GNAQ: variants seen among roughly 807,000 people sequenced by gnomAD.
The protein encoded by GNAQ is guanine nucleotide-binding protein G(q) subunit alpha.
GNAQ carries 8 observed loss-of-function variants against 43.9 expected under a neutral mutation model. That is an observed-to-expected ratio of 0.18 (90% CI 0.11 to 0.33). The LOEUF is 0.33. Among genes scored for constraint, GNAQ ranks in the 10% least tolerant of loss-of-function variants. GNAQ has a pLI of 1.00. For missense variants in GNAQ, 158 were observed against 450.8 expected, an observed-to-expected ratio of 0.35 and a Z score of 5.88; for synonymous variants, 155 against 170.7, an observed-to-expected ratio of 0.91 and a Z score of 0.71.
intron 2 of GNAQ, among the ~76,000 whole-genome samples, chr9:77,875,518 C>A (rs573539235): frequency 1.3e-5 from 2 of 152,126 alleles, no homozygotes; most frequent in Admixed American, 6.6e-5. Flanking sequence ...ATTTGCTTCA[C>A]GCAAATAAGA....
At chr9:77,987,990 A>C (rs1564171604) in intron 1 of GNAQ, among the ~76,000 whole-genome samples, 2 of 152,238 alleles carry the variant, frequency 1.3e-5, no homozygotes, top group Non-Finnish European at 2.9e-5. Flanking sequence ...GTCAAGGCTG[A>C]AAAGAGAGAC....
At chr9:77,999,021 G>C (rs1285068804) in intron 1 of GNAQ, among the ~76,000 whole-genome samples, 1 of 148,980 alleles carries the variant, frequency 6.7e-6, no homozygotes, top group Non-Finnish European at 1.5e-5. Flanking sequence ...GAACCCAGGA[G>C]GCGGAGGTTG....
intron 5 of GNAQ, among the ~76,000 whole-genome samples, chr9:77,764,503 T>A (rs1238041097): frequency 6.6e-6 from 1 of 151,902 alleles, no homozygotes; most frequent in Non-Finnish European, 1.5e-5. Flanking sequence ...TCACCCAGGC[T>A]GGAATGCAGT....
chr9:77,777,589 C>T (rs1385695405), intron 5 of GNAQ, among the ~76,000 whole-genome samples: 1 of 151,966 alleles, frequency 6.6e-6, no homozygotes, highest in Non-Finnish European at 1.5e-5. Flanking sequence ...AATCATATTT[C>T]TGATAAAAGT....
intron 2 of GNAQ, among the ~76,000 whole-genome samples, chr9:77,904,318 T>TA (rs1828667516): frequency 6.5e-5 from 1 of 15,430 alleles, no homozygotes; most frequent in Non-Finnish European, 1.7e-4. Flanking sequence ...TCACACCGGC[T>TA]TTTTTTTTTT....
At chr9:77,743,385 C>A (rs910673121) in intron 5 of GNAQ, among the ~76,000 whole-genome samples, 6 of 152,162 alleles carry the variant, frequency 3.9e-5, no homozygotes, top group African/African-American at 1.4e-4. Flanking sequence ...AGTAACTCTT[C>A]AGGTATCCAG....
intron 4 of GNAQ, 101 bp downstream of exon 4, chr9:77,797,419 C>G (rs1040170128): frequency 1.9e-5 from 16 of 856,394 alleles, no homozygotes; most frequent in Non-Finnish European, 3.0e-5. Flanking sequence ...TAAAGCCTAT[C>G]TTGTTTTGAA....
chr9:77,971,885 T>C (rs1266399043), intron 1 of GNAQ, among the ~76,000 whole-genome samples: 3 of 152,206 alleles, frequency 2.0e-5, no homozygotes, highest in African/African-American at 4.8e-5. Flanking sequence ...TTGTATGTTG[T>C]ATTCCTAGGT....
chr9:77,858,296 G>A (rs953759161), intron 2 of GNAQ, among the ~76,000 whole-genome samples: 10 of 152,160 alleles, frequency 6.6e-5, no homozygotes, highest in African/African-American at 2.2e-4. Flanking sequence ...TAACCTGGGA[G>A]ATCTTTTCAA....
chr9:77,919,454 T>C (rs1828963469), intron 2 of GNAQ, among the ~76,000 whole-genome samples: 1 of 152,062 alleles, frequency 6.6e-6, no homozygotes, highest in Admixed American at 6.6e-5. Flanking sequence ...TAGGATTACT[T>C]AGCACTATGA....
At chr9:77,941,323 C>T (rs1829312285) in intron 1 of GNAQ, among the ~76,000 whole-genome samples, 1 of 151,892 alleles carries the variant, frequency 6.6e-6, no homozygotes, top group Non-Finnish European at 1.5e-5. Context: ...AATCTTGGCT[C>T]AGTACAAGCT....
chr9:77,788,644 T>C lies in GNAQ; in HGVS notation c.735+5819A>G, dbSNP rs368151985. Among the ~76,000 whole-genome samples the C allele has an allele frequency of 6.6e-5, 10 of 152,234 alleles. No homozygotes were observed. In the South Asian group the frequency reaches 1.4e-3, roughly 22 times the overall value. The stretch of plus-strand genomic sequence containing the variant: ...GTGAAAAATGAAAATTGGAAGCAGG[T>C]AGGTCATTATTTTAAGTTCTCTATA... On this transcript the variant is annotated intron_variant, in intron 5 of 6. Transcript: ENST00000286548.
chr9:77,880,794 G>A (rs914792874), intron 2 of GNAQ, among the ~76,000 whole-genome samples: 4 of 152,074 alleles, frequency 2.6e-5, no homozygotes, highest in Non-Finnish European at 4.4e-5. Context: ...CCTGGAGTGT[G>A]TTTTTCACTG....
At chr9:77,806,523 A>G (rs1408607064) in intron 3 of GNAQ, among the ~76,000 whole-genome samples, 1 of 152,204 alleles carries the variant, frequency 6.6e-6, no homozygotes, top group Non-Finnish European at 1.5e-5. Context: ...TTAAGAAACA[A>G]TTAAGTGCCA....
At chr9:77,723,644 G>A (rs936298045) in intron 6 of GNAQ, among the ~76,000 whole-genome samples, 1 of 152,178 alleles carries the variant, frequency 6.6e-6, no homozygotes, top group Non-Finnish European at 1.5e-5. Context: ...GCTGTAATAT[G>A]CATGAACTGT....
chr9:77,853,363 A>C (rs1176967061), intron 2 of GNAQ, among the ~76,000 whole-genome samples: 4 of 152,204 alleles, frequency 2.6e-5, no homozygotes, highest in African/African-American at 4.8e-5. Flanking sequence ...TGATGTATAT[A>C]AATAGTAGTA....
intron 5 of GNAQ, among the ~76,000 whole-genome samples, chr9:77,738,877 AT>A (rs148784350): frequency 2.0e-3 from 294 of 148,862 alleles, no homozygotes; most frequent in Non-Finnish European, 2.7e-3. Context: ...TAGTCTAAGC[AT>A]TTTTTTTTTG....
intron 3 of GNAQ, among the ~76,000 whole-genome samples, chr9:77,809,579 C>T (rs914050222): frequency 6.6e-6 from 1 of 152,184 alleles, no homozygotes; most frequent in African/African-American, 2.4e-5. Context: ...AAGTAATCTA[C>T]ACAACTCCCT....
intron 2 of GNAQ, among the ~76,000 whole-genome samples, chr9:77,880,714 A>G (rs1350400621): frequency 1.3e-5 from 2 of 152,160 alleles, no homozygotes; most frequent in Non-Finnish European, 1.5e-5. Flanking sequence ...TGCCTTCATC[A>G]TGAAGTATGT....
Sources: gnomAD v4.1 joint callset for allele counts (sites outside exome capture counted in the v4.1 genomes callset) on GRCh38, gnomAD v4.1.1 for gene constraint, MANE v1.5 for transcripts, NCBI Gene and HGNC (gene_info 2026-07-23, HGNC 2026-07-21) for gene names.